The following DHODH variants were observed in gnomAD, a reference collection of about 807,000 sequenced individuals.
DHODH encodes the protein dihydroorotate dehydrogenase (quinone).
DHODH carries 30 observed loss-of-function variants against 39.7 expected under a neutral mutation model. That is an observed-to-expected ratio of 0.76 (90% CI 0.57 to 1.02). The LOEUF (loss-of-function observed/expected upper bound fraction) is 1.02. Ranked by LOEUF, DHODH falls within the 50% of genes least tolerant of loss-of-function variation. DHODH has a pLI of 0.00. For missense variants in DHODH, 531 were observed against 520.8 expected (o/e 1.02, Z -0.19); for synonymous variants, 222 against 213.8 (o/e 1.04, Z -0.34).
rs1337090596 is a variant in DHODH at position 72,012,279 on chromosome 16, C to A, written c.234+17C>A. 3.7e-6 allele frequency: 6 copies of A among 1,610,128 alleles called. No individual in the cohort carries two copies. The highest frequency in any genetic ancestry group is 1.7e-5 in the Admixed American group (1 of 59,990). The stretch of plus-strand genomic sequence containing the variant: ...GACATGCTGGTAGTGCTCCCAGACA[C>A]CCTATACATTAAATACAAAGGCGAA... On this transcript the variant is annotated intron_variant, in intron 2 of 8. Coordinates refer to ENST00000219240, the MANE Select transcript of DHODH (RefSeq NM_001361.5).
In DHODH at chr16:72,021,272, C is replaced by A; in HGVS notation, c.666C>A (p.Ser222Arg). 1 of 1,612,400 alleles carries A rather than the reference C, an allele frequency of 6.2e-7. No individual in the cohort carries two copies. The highest frequency in any genetic ancestry group is 1.1e-5 in the South Asian group (1 of 90,714). Residue 222 changes from serine to arginine, a missense_variant, in exon 5 of 9, where the codon AGC becomes AGA. Transcript: ENST00000219240. ...VSSPNTAGLR[S>R]LQGKAELRRL... ...GCCCCAACACTGCCGGGCTGCGGAG[C>A]CTTCAGGGAAAGGCCGAGCTGCGCC... is the stretch of plus-strand genomic sequence containing the variant.
Position 72,014,590 on chromosome 16 carries a change from G to A in DHODH, c.352G>A (p.Gly118Arg). The change falls in exon 3 of 9, where the codon GGA (glycine) becomes AGA (arginine). Residue 118 changes from glycine (G) to arginine (R), a missense_variant. Gly to Arg is a moderately radical substitution (Grantham distance 125). Transcript: ENST00000219240. ...GATGGGCTTTGGTTTTGTTGAGATA[G>A]GAAGTGTGACTCCAAAACCTCAGGA... ...YKMGFGFVEI[G>R]SVTPKPQEGN... 6.2e-7 allele frequency: 1 copy of A among 1,614,168 alleles called. No homozygotes were observed. The highest frequency in any genetic ancestry group is 8.5e-7 in the Non-Finnish European group (1 of 1,180,038).
chr16:72,008,861 G>A (rs2041049496), intron 1 of DHODH, 76 bp downstream of exon 1: 6 of 1,551,158 alleles, frequency 3.9e-6, no homozygotes, highest in Non-Finnish European at 4.4e-6. Flanking sequence ...CAGGCCGGGC[G>A]AGGCATGGAC....
intron 1 of DHODH, chr16:72,009,213 G>A: frequency 1.1e-6 from 1 of 931,844 alleles, no homozygotes. Context: ...TATGTAATAG[G>A]TGTTCAGAGG....
At chr16:72,017,740 C>G (rs1372842695) in intron 4 of DHODH, among the ~76,000 whole-genome samples, 1 of 139,182 alleles carries the variant, frequency 7.2e-6, no homozygotes, top group Non-Finnish European at 1.5e-5. Flanking sequence ...GGTGAGATCC[C>G]ATTTCTCTAA....
rs1228191958 is a variant in DHODH at position 72,021,106 on chromosome 16, G to A, written c.518-18G>A. 6 of 1,595,078 alleles carry A rather than the reference G, an allele frequency of 3.8e-6. No homozygotes were observed. The highest frequency in any genetic ancestry group is 4.3e-6 in the Non-Finnish European group (5 of 1,170,492). ...GAAAGGGTGTGCGGGGTGCAGGCCT[G>A]ACCAGCGATGTTTGCAGATGGACTG... On this transcript the variant is annotated intron_variant, in intron 4 of 8. Coordinates refer to ENST00000219240, the MANE Select transcript of DHODH (RefSeq NM_001361.5).
intron 2 of DHODH, 168 bp from the exon 3 acceptor site, chr16:72,014,305 C>G (rs1160105497): frequency 1.5e-6 from 1 of 656,340 alleles, no homozygotes; most frequent in African/African-American, 1.8e-5. Context: ...AAATAGTTCC[C>G]CCAGTGCTCC....
chr16:72,023,696 G>C (rs1217452363), intron 8 of DHODH, 63 bp downstream of exon 8: 1 of 1,599,798 alleles, frequency 6.3e-7, no homozygotes, highest in Non-Finnish European at 8.5e-7. Flanking sequence ...GATCACTCAA[G>C]TCAACGAGAT....
intron 4 of DHODH, among the ~76,000 whole-genome samples, chr16:72,018,993 C>T (rs963937741): frequency 3.9e-5 from 6 of 152,298 alleles, no homozygotes; most frequent in African/African-American, 7.2e-5. Context: ...CAGAGTCTCC[C>T]GCTATTGCCC....
At chr16:72,014,362 G>A (rs924280628) in intron 2 of DHODH, 111 bp from the exon 3 acceptor site, 1 of 1,092,126 alleles carries the variant, frequency 9.2e-7, no homozygotes, top group Non-Finnish European at 1.4e-6. Flanking sequence ...CCTGGGATCT[G>A]AGGTTTCACA....
intron 2 of DHODH, 89 bp downstream of exon 2, chr16:72,012,351 A>G: frequency 1.7e-6 from 2 of 1,198,066 alleles, no homozygotes; most frequent in Non-Finnish European, 1.2e-6. Context: ...CTTTTTGAAA[A>G]CCAGAACCCC....
intron 3 of DHODH, among the ~76,000 whole-genome samples, chr16:72,015,150 C>T (rs1000347145): frequency 1.3e-5 from 2 of 152,318 alleles, no homozygotes; most frequent in Non-Finnish European, 2.9e-5. Flanking sequence ...TTTAATGTTA[C>T]AAGTATTTAA....
At chr16:72,013,374 G>A (rs1434626186) in intron 2 of DHODH, among the ~76,000 whole-genome samples, 11 of 152,120 alleles carry the variant, frequency 7.2e-5, no homozygotes, top group Admixed American at 7.2e-4. Context: ...AAGGAAGTGC[G>A]GGGTGCCTGA....
chr16:72,014,751 T>G, intron 3 of DHODH, 79 bp downstream of exon 3: 1 of 1,398,908 alleles, frequency 7.1e-7, no homozygotes. Context: ...TCTGCCTCTG[T>G]TTTTTTTCTC....
intron 4 of DHODH, among the ~76,000 whole-genome samples, chr16:72,017,706 G>GT (rs1163149592): frequency 8.0e-5 from 12 of 149,530 alleles, no homozygotes. Flanking sequence ...GAACTCAGGA[G>GT]TTTAAGACCA....
chr16:72,023,055 G>C, intron 6 of DHODH, 110 bp from the exon 7 acceptor site: 1 of 1,035,982 alleles, frequency 9.7e-7, no homozygotes, highest in Non-Finnish European at 1.5e-6. Flanking sequence ...CTTGCTTTGG[G>C]GGCTGTAGGT....
At position 72,020,321 on chromosome 16, in the gene DHODH, GTATATGTGTATATATATATATATATATA is replaced by G. The variant is rs1310310335; in HGVS notation, c.518-779_518-752del. ...TTCCAGTATATATATATGTGTATAT[GTATATGTGTATATATATATATATATATA>G]TATATGTGTATATATATATATATTT... is the stretch of plus-strand genomic sequence containing the variant. On this transcript the variant is annotated intron_variant, in intron 4 of 8. Coordinates refer to ENST00000219240, the MANE Select transcript of DHODH (RefSeq NM_001361.5). 74 of 111,226 alleles carry G rather than the reference GTATATGTGTATATATATATATATATATA, an allele frequency of 6.7e-4. 1 individual carries two copies. Among genetic ancestry groups the G allele is most frequent in the East Asian group, 3.0e-3 (13 of 4,282 alleles). 6.9% of individuals were successfully genotyped at this position (111,226 alleles called of 1,614,324 possible).
At position 72,024,346 on chromosome 16, in the gene DHODH, CA is replaced by C. The variant is rs2041257578; in HGVS notation, c.*148del. The C allele has an allele frequency of 1.2e-6, 1 of 813,798 alleles. No individual in the cohort carries two copies. The highest frequency in any genetic ancestry group is 2.0e-5 in the Admixed American group (1 of 50,112). 50.4% of individuals were successfully genotyped at this position (813,798 alleles called of 1,614,324 possible). A position where few individuals can be genotyped will look rare whatever the true frequency, so the allele number is the denominator to read the frequency against. On this transcript the variant is annotated 3_prime_UTR_variant, in exon 9 of 9. Coordinates refer to ENST00000219240, the MANE Select transcript of DHODH (RefSeq NM_001361.5). ...GCACTGTAAACGCCAATCGGGGGGT[CA>C]CCAGGATCAACCGCAGGCTTTCTTC...
At chr16:72,018,219 T>C (rs1426154165) in intron 4 of DHODH, among the ~76,000 whole-genome samples, 2 of 152,074 alleles carry the variant, frequency 1.3e-5, no homozygotes, top group Admixed American at 1.3e-4. Context: ...TTGTGTGGGG[T>C]TGTGGCTCAG....
Sources: gnomAD v4.1 joint callset for allele counts (sites outside exome capture counted in the v4.1 genomes callset) on GRCh38, gnomAD v4.1.1 for gene constraint, MANE v1.5 for transcripts, NCBI Gene and HGNC (gene_info 2026-07-23, HGNC 2026-07-21) for gene names.